Variants in MEIKIN observed in about 807,000 individuals in gnomAD.
MEIKIN encodes the protein meiosis-specific kinetochore protein.
At chr5:131,927,738 G>T (rs951716754) in intron 5 of MEIKIN, among the ~76,000 whole-genome samples, 17 of 151,912 alleles carry the variant, frequency 1.1e-4, no homozygotes, top group African/African-American at 4.1e-4. Context: ...GACTGTTTTT[G>T]ATTTAAAGTC....
chr5:131,845,272 T>TAAAAA lies in MEIKIN; in HGVS notation c.975+5987_975+5991dup, dbSNP rs1158220526. On this transcript the variant is annotated intron_variant, in intron 11 of 12. Coordinates refer to ENST00000442687, the MANE Select transcript of MEIKIN (RefSeq NM_001303622.2). ...GTGACAGAGCGAGAAGACTTCGTCT[T>TAAAAA]AAAAAAAAAAAAAAAAAAAAAAAAA... 2.6e-4 allele frequency among the ~76,000 whole-genome samples: 12 copies of TAAAAA among 45,360 alleles called. 1 individual carries two copies. The highest frequency in any genetic ancestry group is 1.1e-3 in the African/African-American group (8 of 7,162). The allele number at this position is 45,360 out of a possible 152,430, so 29.8% of individuals were successfully genotyped here. A position where few individuals can be genotyped will look rare whatever the true frequency, so the allele number is the denominator to read the frequency against.
chr5:131,866,387 A>G (rs1308222486), intron 9 of MEIKIN, among the ~76,000 whole-genome samples: 1 of 152,152 alleles, frequency 6.6e-6, no homozygotes, highest in Non-Finnish European at 1.5e-5. Flanking sequence ...TTGTGCCTTT[A>G]GGCCCCCTCA....
intron 12 of MEIKIN, among the ~76,000 whole-genome samples, chr5:131,811,161 T>C (rs1037831420): frequency 6.6e-6 from 1 of 152,140 alleles, no homozygotes; most frequent in African/African-American, 2.4e-5. Flanking sequence ...CAGTTATCTC[T>C]GTAAATTAAA....
intron 8 of MEIKIN, among the ~76,000 whole-genome samples, chr5:131,883,820 C>G (rs1474629325): frequency 6.6e-6 from 1 of 152,200 alleles, no homozygotes; most frequent in Non-Finnish European, 1.5e-5. Flanking sequence ...CCCCCCACAG[C>G]AGCCCTGTGG....
At chr5:131,811,764 G>A (rs190439914) in intron 12 of MEIKIN, among the ~76,000 whole-genome samples, 3 of 152,130 alleles carry the variant, frequency 2.0e-5, no homozygotes, top group South Asian at 2.1e-4. Flanking sequence ...CCATCACCAC[G>A]CCCAGCTAAT....
At position 131,820,318 on chromosome 5, in the gene MEIKIN, C is replaced by T. The variant is rs534484657; in HGVS notation, c.976-1455G>A. ...CGAACTCCTGACCTCAGATGATCAC[C>T]TCAGGTGATCTGCCTGCCTCAGCCT... On this transcript the variant is annotated intron_variant, in intron 11 of 12. Coordinates refer to ENST00000442687, the MANE Select transcript of MEIKIN (RefSeq NM_001303622.2). Among the ~76,000 whole-genome samples the T allele has an allele frequency of 3.4e-4, 52 of 150,932 alleles. 1 individual carries two copies. Among genetic ancestry groups the T allele is most frequent in the Admixed American group, 3.1e-3 (47 of 15,194 alleles).
intron 9 of MEIKIN, among the ~76,000 whole-genome samples, chr5:131,859,665 C>A: frequency 6.6e-6 from 1 of 152,154 alleles, no homozygotes; most frequent in East Asian, 1.9e-4. Flanking sequence ...TCAATTAAAT[C>A]TCTTTTCTTA....
chr5:131,851,309 A>G lies in MEIKIN; in HGVS notation c.930T>C (p.Asn310=). ...FPNVSNYVNS[N]EIVPVSSLQE... ...GCAAACTTGACACAGGAACAATTTCATTTGAATTAACATAATTGCTGACAT... is the reference window on the plus strand; with the variant it reads ...GCAAACTTGACACAGGAACAATTTCGTTTGAATTAACATAATTGCTGACAT... The change falls in exon 11 of 13, where the codon AAT becomes AAC. Residue 310 remains asparagine (N), a synonymous_variant. Transcript: ENST00000442687. The G allele has an allele frequency of 2.5e-6, 1 of 398,266 alleles. No individual in the cohort carries two copies. The highest frequency in any genetic ancestry group is 4.4e-6 in the Non-Finnish European group (1 of 225,576). The allele number at this position is 398,266 out of a possible 1,614,324, so 24.7% of individuals were successfully genotyped here. A position where few individuals can be genotyped will look rare whatever the true frequency, so the allele number is the denominator to read the frequency against.
chr5:131,835,212 G>A (rs55764014), intron 11 of MEIKIN, among the ~76,000 whole-genome samples: 172 of 150,662 alleles, frequency 1.1e-3, no homozygotes, highest in Non-Finnish European at 2.0e-3. Context: ...ATATATGTGT[G>A]TATATATATG....
chr5:131,924,500 G>GT (rs1264689189), intron 5 of MEIKIN, among the ~76,000 whole-genome samples: 3 of 151,768 alleles, frequency 2.0e-5, no homozygotes, highest in Non-Finnish European at 2.9e-5. Flanking sequence ...TTTGTTTTTT[G>GT]TTTTTTTGGT....
At chr5:131,942,785 G>T (rs1751895514) in intron 3 of MEIKIN, 90 bp from the exon 4 acceptor site, 5 of 391,472 alleles carry the variant, frequency 1.3e-5, no homozygotes, top group Middle Eastern at 6.5e-4. Context: ...TTAGAAAAAT[G>T]AAAACATCAA....
At chr5:131,872,862 G>T (rs1420941288) in intron 9 of MEIKIN, among the ~76,000 whole-genome samples, 2 of 152,180 alleles carry the variant, frequency 1.3e-5, no homozygotes, top group African/African-American at 2.4e-5. Flanking sequence ...TTAAAGAAAA[G>T]AATTTTCAAC....
intron 9 of MEIKIN, among the ~76,000 whole-genome samples, chr5:131,865,736 A>G (rs760011321): frequency 6.6e-6 from 1 of 152,222 alleles, no homozygotes; most frequent in Non-Finnish European, 1.5e-5. Flanking sequence ...AGGCTAGAGC[A>G]CATTTGCTCT....
intron 11 of MEIKIN, among the ~76,000 whole-genome samples, chr5:131,841,035 T>A (rs561263661): frequency 5.3e-5 from 8 of 152,156 alleles, no homozygotes; most frequent in Non-Finnish European, 1.2e-4. Flanking sequence ...TTTATCTTAT[T>A]TGATGGCCTT....
intron 7 of MEIKIN, among the ~76,000 whole-genome samples, chr5:131,914,543 GGGGAAGGGGGAAGA>G (rs1468634783): frequency 1.3e-3 from 183 of 136,106 alleles, no homozygotes; most frequent in African/African-American, 4.5e-3. Flanking sequence ...GGGAGGGGAA[GGGGAAGGGGGAAGA>G]GGGAAGGGGG....
At chr5:131,943,269 A>G (rs946307482) in intron 3 of MEIKIN, among the ~76,000 whole-genome samples, 4 of 152,222 alleles carry the variant, frequency 2.6e-5, no homozygotes, top group Non-Finnish European at 4.4e-5. Context: ...TCATCTATCT[A>G]TCTATCTATT....
chr5:131,813,139 C>T (rs908542975), intron 12 of MEIKIN, among the ~76,000 whole-genome samples: 2 of 152,182 alleles, frequency 1.3e-5, no homozygotes, highest in South Asian at 2.1e-4. Flanking sequence ...CCATGGCCCC[C>T]ACCCTGGCTA....
intron 5 of MEIKIN, among the ~76,000 whole-genome samples, chr5:131,924,040 T>C (rs1252437107): frequency 1.3e-5 from 2 of 152,108 alleles, no homozygotes; most frequent in Non-Finnish European, 2.9e-5. Context: ...TTCTATGAGT[T>C]TGGCTCTTTT....
At chr5:131,810,530 G>A (rs2149599888) in intron 12 of MEIKIN, among the ~76,000 whole-genome samples, 1 of 152,278 alleles carries the variant, frequency 6.6e-6, no homozygotes, top group South Asian at 2.1e-4. Flanking sequence ...GGTCATTTTT[G>A]TTATATGTAA....
Sources: gnomAD v4.1 joint callset for allele counts (sites outside exome capture counted in the v4.1 genomes callset) on GRCh38, gnomAD v4.1.1 for gene constraint, MANE v1.5 for transcripts, NCBI Gene and HGNC (gene_info 2026-07-23, HGNC 2026-07-21) for gene names.